Variants in WASHC5 observed in about 807,000 individuals in gnomAD.
WASHC5 encodes WASH complex subunit 5, also known as WASH complex subunit strumpellin.
Under a neutral mutation model 150.4 loss-of-function variants are expected in WASHC5, and 101 were observed. The observed-to-expected ratio is 0.67, with a 90% CI of 0.57 to 0.79. The LOEUF (loss-of-function observed/expected upper bound fraction) is 0.79. Among genes scored for constraint, WASHC5 ranks in the 30% least tolerant of loss-of-function variants. WASHC5 has a pLI of 0.00. For synonymous variants in WASHC5, 467 were observed against 491.2 expected (o/e 0.95, Z 0.65); for missense variants, 1,195 against 1,396.3 (o/e 0.86, Z 2.30).
In WASHC5 at chr8:125,042,527, G is replaced by A. The variant is rs868099088; in HGVS notation, c.2850+1298C>T. On this transcript the variant is annotated intron_variant, in intron 23 of 28. Transcript: ENST00000318410. Reference sequence around the variant, plus strand: ...AGATCACTGACTCGGTCACAGTCACGTGGCTGTTACTGAATTACTGGCAAC... The same window carrying A: ...AGATCACTGACTCGGTCACAGTCACATGGCTGTTACTGAATTACTGGCAAC... 2.6e-5 allele frequency among the ~76,000 whole-genome samples: 4 copies of A among 152,144 alleles called. No individual in the cohort carries two copies. In the East Asian group the frequency reaches 5.8e-4, roughly 22 times the overall value.
chr8:125,041,101 T>C (rs995567102), intron 23 of WASHC5, among the ~76,000 whole-genome samples: 5 of 152,290 alleles, frequency 3.3e-5, no homozygotes, highest in African/African-American at 9.6e-5. Flanking sequence ...GGTTGGATGA[T>C]AGGAAGCGAT....
chr8:125,025,644 C>T (rs1389633740), intron 28 of WASHC5, among the ~76,000 whole-genome samples: 1 of 152,172 alleles, frequency 6.6e-6, no homozygotes, highest in Non-Finnish European at 1.5e-5. Flanking sequence ...GCCCAGATCT[C>T]ACTACTGCAC....
At chr8:125,050,426 G>GT in intron 18 of WASHC5, 138 bp downstream of exon 18, 4 of 556,912 alleles carry the variant, frequency 7.2e-6, no homozygotes, top group Non-Finnish European at 1.3e-5. Flanking sequence ...CACATCAGTT[G>GT]TTTGTGTTGA....
chr8:125,070,551 T>C (rs1043372557), intron 9 of WASHC5, among the ~76,000 whole-genome samples: 12 of 152,148 alleles, frequency 7.9e-5, no homozygotes, highest in African/African-American at 2.4e-4. Context: ...AAAACCCCAG[T>C]TGGTTTTATG....
rs117613982 is a variant in WASHC5 at position 125,030,866 on chromosome 8, A to G, written c.3335+1375T>C. ...TGGTGAGCAGCCTCTAAACTGCAAG[A>G]CATCGGGAACAGGTGGAAGGGGCTT... On this transcript the variant is annotated intron_variant, in intron 27 of 28. Transcript: ENST00000318410. 2.0e-5 allele frequency among the ~76,000 whole-genome samples: 3 copies of G among 152,314 alleles called. No homozygotes were observed. The East Asian group carries it at 5.8e-4, about 29-fold the overall frequency.
intron 25 of WASHC5, among the ~76,000 whole-genome samples, chr8:125,037,955 G>A (rs1436198044): frequency 6.6e-6 from 1 of 152,160 alleles, no homozygotes; most frequent in African/African-American, 2.4e-5. Context: ...GTAGCACACG[G>A]GTCAGAAGCA....
intron 10 of WASHC5, among the ~76,000 whole-genome samples, chr8:125,063,931 A>G (rs1816674404): frequency 1.3e-5 from 2 of 152,192 alleles, no homozygotes. Flanking sequence ...CCCACCCCCA[A>G]AGATTCTCGT....
chr8:125,057,517 A>G (rs1462773353), intron 15 of WASHC5, 39 bp downstream of exon 15: 1 of 1,301,188 alleles, frequency 7.7e-7, no homozygotes, highest in East Asian at 2.3e-5. Flanking sequence ...AACAGCAGTT[A>G]TCTGGCAAGA....
intron 1 of WASHC5, among the ~76,000 whole-genome samples, chr8:125,085,739 G>A (rs1053894670): frequency 3.9e-5 from 6 of 152,180 alleles, no homozygotes; most frequent in Non-Finnish European, 8.8e-5. Flanking sequence ...TAGCAGGGGT[G>A]AGCAGATGGT....
chr8:125,079,060 A>G (rs1586384921), intron 5 of WASHC5, 130 bp from the exon 6 acceptor site: 3 of 647,506 alleles, frequency 4.6e-6, no homozygotes, highest in Non-Finnish European at 8.1e-6. Flanking sequence ...GTCCATCTAT[A>G]TCCTCAATAT....
chr8:125,078,217 A>G (rs1817120868), intron 6 of WASHC5, among the ~76,000 whole-genome samples: 1 of 152,154 alleles, frequency 6.6e-6, no homozygotes, highest in Non-Finnish European at 1.5e-5. Context: ...CATGATCTTC[A>G]CAGCCTTGCT....
intron 28 of WASHC5, among the ~76,000 whole-genome samples, chr8:125,025,785 T>C (rs1007895876): frequency 3.3e-5 from 5 of 151,666 alleles, no homozygotes; most frequent in African/African-American, 1.2e-4. Context: ...AAATAAAAAC[T>C]GGCAACTTTT....
intron 9 of WASHC5, among the ~76,000 whole-genome samples, chr8:125,070,254 G>C (rs1816860136): frequency 6.6e-6 from 1 of 152,240 alleles, no homozygotes; most frequent in Admixed American, 6.5e-5. Context: ...CACCATGACT[G>C]AAATTCCACA....
chr8:125,039,696 C>T (rs1815828861), intron 24 of WASHC5, 99 bp downstream of exon 24: 1 of 825,544 alleles, frequency 1.2e-6, no homozygotes, highest in African/African-American at 1.7e-5. Flanking sequence ...GACCTTCCAC[C>T]CAAAAATAAC....
intron 1 of WASHC5, among the ~76,000 whole-genome samples, chr8:125,089,562 A>G (rs190370381): frequency 2.7e-4 from 41 of 152,368 alleles, no homozygotes; most frequent in Non-Finnish European, 3.5e-4. Flanking sequence ...AACAGGTCCA[A>G]TGGCTACCCG....
At chr8:125,074,928 A>T in intron 8 of WASHC5, 70 bp downstream of exon 8, 1 of 900,540 alleles carries the variant, frequency 1.1e-6, no homozygotes. Context: ...TGGGAAATCT[A>T]CTTAGCTTAT....
At chr8:125,037,197 G>A (rs755642094) in intron 26 of WASHC5, 40 bp downstream of exon 26, 2 of 1,084,762 alleles carry the variant, frequency 1.8e-6, no homozygotes, top group Non-Finnish European at 1.4e-6. Context: ...TTAATCTGTT[G>A]GTATTGTTAC....
rs751878973 is a variant in WASHC5 at position 125,081,690 on chromosome 8, C to T, written c.489G>A (p.Glu163=). The change falls in exon 5 of 29, where the codon GAG becomes GAA. Residue 163 remains glutamate, a synonymous_variant. Coordinates refer to ENST00000318410, the MANE Select transcript of WASHC5 (RefSeq NM_014846.4). ...ATCGGTAGTAAGAAACCAGCATCCT[C>T]TCTCTGACTTCTCCTTCAATCTTTT... ...IDQKIEGEVR[E]RMLVSYYRYS... 9.9e-6 allele frequency: 16 copies of T among 1,611,490 alleles called. No individual in the cohort carries two copies. Among genetic ancestry groups the T allele is most frequent in the Non-Finnish European group, 1.4e-5 (16 of 1,177,918 alleles).
intron 26 of WASHC5, among the ~76,000 whole-genome samples, chr8:125,035,274 G>A (rs1815665837): frequency 6.6e-6 from 1 of 152,036 alleles, no homozygotes; most frequent in Admixed American, 6.5e-5. Flanking sequence ...GGAATTCCAG[G>A]GAGAGTGATA....
Sources: allele counts gnomAD v4.1 joint callset (sites outside exome capture counted in the v4.1 genomes callset), GRCh38; gene constraint gnomAD v4.1.1; transcripts MANE v1.5; gene names NCBI Gene and HGNC (gene_info 2026-07-23, HGNC 2026-07-21).